The following PCDH15 variants were observed in gnomAD, a reference collection of about 807,000 sequenced individuals.
The protein encoded by PCDH15 is protocadherin-15.
In PCDH15, 129 loss-of-function variants were observed where a neutral mutation model predicts 178.5. The ratio of observed to expected loss-of-function variants is 0.72; its 90% CI spans 0.63 to 0.84. PCDH15 has a LOEUF of 0.84. PCDH15 is among the 40% of genes least tolerant of loss of function. PCDH15 has a pLI of 0.00. For missense variants in PCDH15, 2,230 were observed against 2,099.9 expected, an observed-to-expected ratio of 1.06 and a Z score of -1.21; for synonymous variants, 800 against 732.0, an observed-to-expected ratio of 1.09 and a Z score of -1.50.
At chr10:55,110,780 C>T (rs1837482700) in intron 2 of PCDH15, among the ~76,000 whole-genome samples, 1 of 151,806 alleles carries the variant, frequency 6.6e-6, no homozygotes, top group Admixed American at 6.6e-5. Flanking sequence ...CCCTTATTGC[C>T]CCATGAACCA....
At chr10:54,191,515 G>C (rs979614124) in intron 11 of PCDH15, among the ~76,000 whole-genome samples, 1 of 152,122 alleles carries the variant, frequency 6.6e-6, no homozygotes, top group Non-Finnish European at 1.5e-5. Flanking sequence ...AGGTGAATTA[G>C]GAAGTTTCCA....
At chr10:54,569,120 C>A (rs1411812211) in intron 2 of PCDH15, among the ~76,000 whole-genome samples, 4 of 151,544 alleles carry the variant, frequency 2.6e-5, no homozygotes, top group Non-Finnish European at 5.9e-5. Flanking sequence ...AGAAAAAAAG[C>A]AAAACCCAAG....
At chr10:54,125,150 G>GT (rs72058465) in intron 15 of PCDH15, among the ~76,000 whole-genome samples, 92 of 149,578 alleles carry the variant, frequency 6.2e-4, no homozygotes, top group Admixed American at 1.3e-3. Context: ...CAAATGTGTG[G>GT]TTTTTTTTTT....
intron 2 of PCDH15, among the ~76,000 whole-genome samples, chr10:54,651,709 A>G (rs2094264693): frequency 6.6e-6 from 1 of 152,200 alleles, no homozygotes; most frequent in African/African-American, 2.4e-5. Context: ...TTGTTCTGGC[A>G]GAAGAGCGAG....
intron 2 of PCDH15, among the ~76,000 whole-genome samples, chr10:54,637,294 A>T (rs1445972912): frequency 6.6e-6 from 1 of 151,940 alleles, no homozygotes; most frequent in Non-Finnish European, 1.5e-5. Flanking sequence ...GTTTTCTATC[A>T]CTATGGTAAC....
At chr10:54,084,202 C>T (rs907674878) in intron 16 of PCDH15, among the ~76,000 whole-genome samples, 1 of 151,926 alleles carries the variant, frequency 6.6e-6, no homozygotes, top group African/African-American at 2.4e-5. Context: ...TCTCCTGCCT[C>T]AGCCTCCTGA....
chr10:55,578,992 T>C lies in PCDH15; in HGVS notation c.-156+48633A>G, dbSNP rs552849696. On this transcript the variant is annotated intron_variant, in intron 2 of 5. Coordinates refer to the PCDH15 transcript ENST00000613346. ...TTTGGGTGGAGACACAGCCAAACCT[T>C]ATCAATGTGAAAATAGAAGAATATG... Among the ~76,000 whole-genome samples the C allele has an allele frequency of 3.9e-5, 6 of 152,268 alleles. No individual in the cohort carries two copies. The East Asian group carries it at 1.2e-3, about 29-fold the overall frequency.
intron 5 of PCDH15, among the ~76,000 whole-genome samples, chr10:54,358,680 G>T (rs552904282): frequency 2.1e-3 from 319 of 152,094 alleles, no homozygotes; most frequent in Middle Eastern, 6.8e-3. Flanking sequence ...CAAAGGACTA[G>T]AAATCATGCT....
At chr10:55,095,053 C>G (rs1307475831) in intron 2 of PCDH15, among the ~76,000 whole-genome samples, 2 of 151,098 alleles carry the variant, frequency 1.3e-5, no homozygotes, top group Non-Finnish European at 2.9e-5. Flanking sequence ...TTCCAAGTAG[C>G]GGGACCACAA....
At chr10:55,305,480 C>G (rs1169694226) in intron 1 of PCDH15, among the ~76,000 whole-genome samples, 1 of 152,176 alleles carries the variant, frequency 6.6e-6, no homozygotes, top group Non-Finnish European at 1.5e-5. Flanking sequence ...CCAGCTGAGG[C>G]CCCCAGGCAC....
At chr10:54,724,790 C>CAT (rs1001109855) in intron 1 of PCDH15, among the ~76,000 whole-genome samples, 31 of 150,806 alleles carry the variant, frequency 2.1e-4, no homozygotes, top group Admixed American at 2.0e-4. Context: ...TACATATATA[C>CAT]ATATATATAA....
intron 2 of PCDH15, among the ~76,000 whole-genome samples, chr10:55,027,294 C>A (rs993903643): frequency 6.6e-6 from 1 of 151,598 alleles, no homozygotes; most frequent in Middle Eastern, 3.2e-3. Context: ...AAGAGAAAAA[C>A]AGAAAATTGC....
At chr10:55,169,461 G>C (rs1336571845) in intron 1 of PCDH15, among the ~76,000 whole-genome samples, 1 of 152,152 alleles carries the variant, frequency 6.6e-6, no homozygotes, top group East Asian at 1.9e-4. Context: ...CTTTAAAGGT[G>C]TCACTAAATG....
intron 3 of PCDH15, among the ~76,000 whole-genome samples, chr10:54,877,936 CTCTTTTTTTTTTTTTTTTTTTTTTTTT>C (rs1261193306): frequency 9.6e-6 from 1 of 104,326 alleles, no homozygotes; most frequent in African/African-American, 3.4e-5. Context: ...CTCTCTCTCT[CTCTTTTTTTTTTTTTTTTTTTTTTTTT>C]TTTTTTTTTT....
chr10:54,576,675 C>A (rs1339156517), intron 2 of PCDH15, among the ~76,000 whole-genome samples: 1 of 152,080 alleles, frequency 6.6e-6, no homozygotes, highest in African/African-American at 2.4e-5. Flanking sequence ...GATGCAAATT[C>A]TTGGGAATTG....
At chr10:54,100,681 C>T (rs761320994) in intron 15 of PCDH15, among the ~76,000 whole-genome samples, 2 of 152,010 alleles carry the variant, frequency 1.3e-5, no homozygotes, top group Non-Finnish European at 1.5e-5. Context: ...CAAAAAAAAT[C>T]GATTTGTAAA....
chr10:54,306,674 C>A (rs1246275058), intron 8 of PCDH15, among the ~76,000 whole-genome samples: 7 of 151,734 alleles, frequency 4.6e-5, no homozygotes, highest in Non-Finnish European at 1.5e-5. Context: ...CATGTCTTAG[C>A]CAAGTTAATG....
intron 2 of PCDH15, among the ~76,000 whole-genome samples, chr10:55,165,099 T>C (rs1399843791): frequency 6.6e-6 from 1 of 152,102 alleles, no homozygotes; most frequent in Non-Finnish European, 1.5e-5. Flanking sequence ...AAAGAAAGTT[T>C]ATCATAAACT....
At chr10:55,178,673 G>C (rs1839560331) in intron 1 of PCDH15, among the ~76,000 whole-genome samples, 1 of 152,096 alleles carries the variant, frequency 6.6e-6, no homozygotes, top group Admixed American at 6.6e-5. Flanking sequence ...TTGACCCAGA[G>C]AGCACTCAAA....
Sources: gnomAD v4.1 joint callset for allele counts (sites outside exome capture counted in the v4.1 genomes callset) on GRCh38, gnomAD v4.1.1 for gene constraint, MANE v1.5 for transcripts, NCBI Gene and HGNC (gene_info 2026-07-23, HGNC 2026-07-21) for gene names.